The following NRXN1 variants were observed in gnomAD, a reference collection of about 807,000 sequenced individuals.
NRXN1 encodes the protein neurexin-1.
Under a neutral mutation model 150.9 loss-of-function variants are expected in NRXN1, and 39 were observed. The ratio of observed to expected loss-of-function variants is 0.26; its 90% confidence interval spans 0.20 to 0.34. The LOEUF (loss-of-function observed/expected upper bound fraction) is 0.34, where lower values mean the gene tolerates loss of function less well. Among genes scored for constraint, NRXN1 ranks in the 10% least tolerant of loss-of-function variants. NRXN1 has a pLI of 1.00. For missense variants in NRXN1, 1,815 were observed against 1,949.9 expected (o/e 0.93, Z 1.30); for synonymous variants, 924 against 757.0 (o/e 1.22, Z -3.62).
intron 21 of NRXN1, among the ~76,000 whole-genome samples, chr2:50,014,106 GTTTTT>G (rs1403562930): frequency 2.7e-5 from 4 of 150,760 alleles, no homozygotes; most frequent in African/African-American, 4.9e-5. Context: ...TTTTTTTTTT[GTTTTT>G]GTTTTTGTTT....
intron 5 of NRXN1, among the ~76,000 whole-genome samples, chr2:50,860,349 G>A (rs777569655): frequency 5.9e-5 from 9 of 151,946 alleles, no homozygotes; most frequent in Non-Finnish European, 8.8e-5. Flanking sequence ...CAGCAGCCTC[G>A]TATTTTTATT....
rs116522762 is a variant in NRXN1, at chr2:50,940,258, T to C, written c.773-14303A>G. Among the ~76,000 whole-genome samples, 1,034 of 151,948 alleles carry C rather than the reference T, an allele frequency of 6.8e-3. 6 individuals carry two copies. The highest frequency in any genetic ancestry group is 0.011 in the Non-Finnish European group (750 of 67,950). On this transcript the variant is annotated intron_variant, in intron 2 of 22. Transcript: ENST00000401669. ...TTTGGGAGGCCAAGGCGGAGGATCA[T>C]GAGGTTAAGAGATCGAGACCATCCT...
chr2:50,373,626 A>AAAAG (rs202127677), intron 17 of NRXN1, among the ~76,000 whole-genome samples: 5,449 of 98,352 alleles, frequency 0.055, 255 homozygotes, highest in Non-Finnish European at 0.059. Flanking sequence ...AGAGAGAAAG[A>AAAAG]AAAGAAAGAA....
At chr2:50,383,588 A>G (rs1333877598) in intron 17 of NRXN1, among the ~76,000 whole-genome samples, 1 of 152,208 alleles carries the variant, frequency 6.6e-6, no homozygotes, top group Non-Finnish European at 1.5e-5. Flanking sequence ...TCAATTGTGC[A>G]TTGGCCACAC....
intron 2 of NRXN1, among the ~76,000 whole-genome samples, chr2:51,020,254 T>C (rs1198915530): frequency 6.6e-6 from 1 of 151,700 alleles, no homozygotes; most frequent in Non-Finnish European, 1.5e-5. Context: ...GTTGTATCTG[T>C]TTTAAACTTC....
In NRXN1 at chr2:50,360,184, C is replaced by G. The variant is rs1322562164; in HGVS notation, c.3364+105258G>C. 2.6e-5 allele frequency among the ~76,000 whole-genome samples: 4 copies of G among 152,292 alleles called. No individual in the cohort carries two copies. In the East Asian group the frequency reaches 7.7e-4, roughly 29 times the overall value. On this transcript the variant is annotated intron_variant, in intron 17 of 22. Transcript: ENST00000401669. ...CCAATGTGTGTAAAGACCATTGGCACTATGAAGAAACTGCATCAACTAATG... is the reference window on the plus strand; with the variant it reads ...CCAATGTGTGTAAAGACCATTGGCAGTATGAAGAAACTGCATCAACTAATG...
rs548051351 is a variant in NRXN1 at position 50,309,138 on chromosome 2, G to A, written c.3365-72168C>T. ...AAGGTTCTTTCCCATTTATAGATTT[G>A]TTATTTGATGCATTTCATTTTACTT... is the stretch of plus-strand genomic sequence containing the variant. On this transcript the variant is annotated intron_variant, in intron 17 of 22. Transcript: ENST00000401669. Among the ~76,000 whole-genome samples the A allele has an allele frequency of 4.7e-4, 72 of 152,250 alleles. 1 individual carries two copies. Among genetic ancestry groups the A allele is most frequent in the African/African-American group, 1.7e-3 (69 of 41,568 alleles).
At chr2:50,102,844 A>T (rs138223172) in intron 18 of NRXN1, among the ~76,000 whole-genome samples, 124 of 152,246 alleles carry the variant, frequency 8.1e-4, no homozygotes, top group African/African-American at 2.9e-3. Flanking sequence ...TGGACTCTTT[A>T]TAGCTATTAA....
chr2:51,005,335 C>T (rs1040580632), intron 2 of NRXN1, among the ~76,000 whole-genome samples: 1 of 151,932 alleles, frequency 6.6e-6, no homozygotes, highest in Non-Finnish European at 1.5e-5. Context: ...GAGATATATA[C>T]TGATATTTCT....
At chr2:50,360,386 T>C (rs993221111) in intron 17 of NRXN1, among the ~76,000 whole-genome samples, 8 of 152,138 alleles carry the variant, frequency 5.3e-5, no homozygotes, top group Non-Finnish European at 1.2e-4. Context: ...CAGACACATA[T>C]AGGCTCAAAA....
At chr2:49,930,614 A>T (rs1444075602) in intron 22 of NRXN1, among the ~76,000 whole-genome samples, 1 of 152,208 alleles carries the variant, frequency 6.6e-6, no homozygotes, top group African/African-American at 2.4e-5. Context: ...CTATTGTAAA[A>T]TCTCACTTAA....
At chr2:50,949,981 A>G (rs1558476225) in intron 2 of NRXN1, among the ~76,000 whole-genome samples, 1 of 152,136 alleles carries the variant, frequency 6.6e-6, no homozygotes, top group Non-Finnish European at 1.5e-5. Context: ...ATGCTAACTT[A>G]CATAACTGTG....
At chr2:50,659,627 T>C (rs1336516566) in intron 5 of NRXN1, among the ~76,000 whole-genome samples, 5 of 151,884 alleles carry the variant, frequency 3.3e-5, no homozygotes, top group Non-Finnish European at 7.4e-5. Flanking sequence ...GCCACACTTA[T>C]TTGGAATATA....
intron 5 of NRXN1, among the ~76,000 whole-genome samples, chr2:50,823,158 A>C (rs571021875): frequency 6.6e-6 from 1 of 152,306 alleles, no homozygotes; most frequent in South Asian, 2.1e-4. Flanking sequence ...GCAATACTTC[A>C]AAAGATAGGC....
Position 50,990,935 on chromosome 2 carries a change from A to G in NRXN1, c.772+36567T>C, listed in dbSNP as rs552115480. Among the ~76,000 whole-genome samples the G allele has an allele frequency of 2.6e-5, 4 of 152,146 alleles. No homozygotes were observed. The South Asian group carries it at 6.2e-4, about 24-fold the overall frequency. ...ATAAAAGGAAAACAAGCACTTTGGG[A>G]GCATCCAATAGACCTGGGCCTATGT... is the stretch of plus-strand genomic sequence containing the variant. On this transcript the variant is annotated intron_variant, in intron 2 of 22. Coordinates refer to ENST00000401669, the MANE Select transcript of NRXN1 (RefSeq NM_001330078.2).
At chr2:50,514,603 C>A (rs1169789091) in intron 12 of NRXN1, among the ~76,000 whole-genome samples, 2 of 152,128 alleles carry the variant, frequency 1.3e-5, no homozygotes, top group African/African-American at 4.8e-5. Context: ...CTTTGCCGAC[C>A]ATGTGTTCAC....
intron 12 of NRXN1, among the ~76,000 whole-genome samples, chr2:50,518,118 A>G (rs2092681659): frequency 6.6e-6 from 1 of 152,108 alleles, no homozygotes; most frequent in Non-Finnish European, 1.5e-5. Flanking sequence ...CGAAAAACAT[A>G]CATTTTAAGA....
chr2:50,770,328 TTA>T (rs151092314), intron 5 of NRXN1, among the ~76,000 whole-genome samples: 2,512 of 150,360 alleles, frequency 0.017, 71 homozygotes, highest in African/African-American at 0.057. Flanking sequence ...ATTTTATATT[TTA>T]TATATATATA....
At chr2:50,056,361 C>G (rs1693619679) in intron 19 of NRXN1, among the ~76,000 whole-genome samples, 1 of 152,058 alleles carries the variant, frequency 6.6e-6, no homozygotes, top group South Asian at 2.1e-4. Context: ...AAAGAACTAT[C>G]TTTTAGACCT....
Sources: allele counts gnomAD v4.1 joint callset (sites outside exome capture counted in the v4.1 genomes callset), GRCh38; gene constraint gnomAD v4.1.1; transcripts MANE v1.5; gene names NCBI Gene and HGNC (gene_info 2026-07-23, HGNC 2026-07-21).